KCMF1: variants seen among roughly 807,000 people sequenced by gnomAD.
KCMF1 encodes E3 ubiquitin-protein ligase KCMF1.
KCMF1 carries 3 observed loss-of-function variants against 41.1 expected under a neutral mutation model. That is an observed-to-expected ratio of 0.07 (90% CI 0.03 to 0.19). The LOEUF (loss-of-function observed/expected upper bound fraction) is 0.19, where lower values mean the gene tolerates loss of function less well. Ranked by LOEUF, KCMF1 falls within the 10% of genes least tolerant of loss-of-function variation. KCMF1 has a pLI of 1.00. For synonymous variants in KCMF1, 142 were observed against 164.5 expected, an observed-to-expected ratio of 0.86 and a Z score of 1.04; for missense variants, 286 against 488.9, an observed-to-expected ratio of 0.58 and a Z score of 3.91.
At position 85,008,263 on chromosome 2, in the gene KCMF1, CATATATA is replaced by C. The variant is rs1465922425; in HGVS notation, c.17-19614_17-19608del. 1.0e-3 allele frequency among the ~76,000 whole-genome samples: 71 copies of C among 68,802 alleles called. 1 individual carries two copies. Among genetic ancestry groups the C allele is most frequent in the African/African-American group, 3.5e-3 (62 of 17,930 alleles). The allele number at this position is 68,802 out of a possible 152,430, so 45.1% of individuals were successfully genotyped here. On this transcript the variant is annotated intron_variant, in intron 1 of 6. Transcript: ENST00000409785. ...ATTATATATGATATATATTATATAT[CATATATA>C]ATATATAATATGATATATAATATAT...
At chr2:84,976,441 A>G (rs1157163864) in intron 1 of KCMF1, among the ~76,000 whole-genome samples, 4 of 152,022 alleles carry the variant, frequency 2.6e-5, no homozygotes, top group South Asian at 2.1e-4. Context: ...CCTGACCGCA[A>G]GTGATCCACC....
chr2:84,996,501 T>A (rs1464783138), intron 1 of KCMF1, among the ~76,000 whole-genome samples: 1 of 143,996 alleles, frequency 6.9e-6, no homozygotes, highest in Non-Finnish European at 1.5e-5. Flanking sequence ...AGTGGTGCAA[T>A]CCCGGCTCAC....
intron 1 of KCMF1, among the ~76,000 whole-genome samples, chr2:84,997,005 C>G (rs1398919821): frequency 6.6e-6 from 1 of 152,094 alleles, no homozygotes; most frequent in Non-Finnish European, 1.5e-5. Context: ...GTACTGAATA[C>G]TGTAGGTAAT....
chr2:84,984,688 C>T (rs11887654), intron 1 of KCMF1, among the ~76,000 whole-genome samples: 1,878 of 152,010 alleles, frequency 0.012, 50 homozygotes, highest in African/African-American at 0.044. Flanking sequence ...GGTGTGGTGG[C>T]GCATGCCCAT....
In KCMF1 at chr2:85,004,460, C is replaced by T. The variant is rs1012220162; in HGVS notation, c.17-23429C>T. Among the ~76,000 whole-genome samples the T allele has an allele frequency of 4.6e-5, 7 of 151,394 alleles. No homozygotes were observed. The East Asian group carries it at 7.8e-4, about 17-fold the overall frequency. On this transcript the variant is annotated intron_variant, in intron 1 of 6. Coordinates refer to ENST00000409785, the MANE Select transcript of KCMF1 (RefSeq NM_020122.5). ...CCAGGAGGTGGAGTTTGCAGTGAGC[C>T]GAGATCGCGCCACTGCACTCCAGCC...
At chr2:85,046,037 C>T (rs1675658845) in intron 4 of KCMF1, 67 bp from the exon 5 acceptor site, 1 of 1,299,364 alleles carries the variant, frequency 7.7e-7, no homozygotes, top group Non-Finnish European at 1.1e-6. Context: ...ATCTGTCTAG[C>T]AAGGACTCAG....
intron 5 of KCMF1, among the ~76,000 whole-genome samples, chr2:85,048,434 T>C (rs1301134733): frequency 6.6e-6 from 1 of 152,176 alleles, no homozygotes; most frequent in Non-Finnish European, 1.5e-5. Flanking sequence ...GTATATTCCA[T>C]GAAAGAGTGG....
chr2:85,038,002 C>G (rs527898283), intron 3 of KCMF1, among the ~76,000 whole-genome samples: 2 of 152,328 alleles, frequency 1.3e-5, no homozygotes, highest in East Asian at 3.8e-4. Context: ...TATATTAATA[C>G]TATTTCAAGT....
chr2:85,017,261 C>T (rs1269684206), intron 1 of KCMF1, among the ~76,000 whole-genome samples: 9 of 151,552 alleles, frequency 5.9e-5, no homozygotes, highest in Admixed American at 5.3e-4. Flanking sequence ...CTCCTGACCT[C>T]ATGATCCACC....
chr2:85,003,463 G>A (rs1674383729), intron 1 of KCMF1, among the ~76,000 whole-genome samples: 1 of 151,678 alleles, frequency 6.6e-6, no homozygotes, highest in Non-Finnish European at 1.5e-5. Flanking sequence ...GGGCGACAGA[G>A]TGAGACTCCG....
intron 1 of KCMF1, among the ~76,000 whole-genome samples, chr2:84,974,265 A>G (rs1379131848): frequency 1.3e-5 from 2 of 152,180 alleles, no homozygotes. Context: ...GAACAAGCCT[A>G]TCATGTTGTA....
intron 3 of KCMF1, among the ~76,000 whole-genome samples, chr2:85,035,901 C>T (rs1675391260): frequency 6.6e-6 from 1 of 152,110 alleles, no homozygotes; most frequent in South Asian, 2.1e-4. Flanking sequence ...AGAATTTTGG[C>T]ACAGTAATTG....
chr2:85,032,143 C>G (rs957133544), intron 2 of KCMF1, among the ~76,000 whole-genome samples: 1 of 151,272 alleles, frequency 6.6e-6, no homozygotes, highest in Non-Finnish European at 1.5e-5. Context: ...CTTGTTTATT[C>G]ATTCCAAGAG....
intron 1 of KCMF1, among the ~76,000 whole-genome samples, chr2:85,014,379 GTAGGCAACCCTT>G (rs1026949606): frequency 2.2e-4 from 33 of 152,180 alleles, no homozygotes; most frequent in Admixed American, 2.0e-3. Context: ...ATATGCTTCA[GTAGGCAACCCTT>G]TATCTTAATC....
intron 1 of KCMF1, among the ~76,000 whole-genome samples, chr2:85,025,345 T>C (rs1675072078): frequency 6.6e-6 from 1 of 152,240 alleles, no homozygotes; most frequent in Non-Finnish European, 1.5e-5. Context: ...GCAAATGGCT[T>C]ATTTTTTTAT....
At chr2:85,017,571 A>AC (rs1343590956) in intron 1 of KCMF1, among the ~76,000 whole-genome samples, 8 of 87,394 alleles carry the variant, frequency 9.2e-5, no homozygotes, top group African/African-American at 2.2e-4. Flanking sequence ...CCTCCACCCC[A>AC]CCCCCCCAAA....
chr2:85,042,324 T>C (rs114981587), intron 3 of KCMF1, among the ~76,000 whole-genome samples: 1,547 of 152,272 alleles, frequency 0.01, 18 homozygotes, highest in African/African-American at 0.035. Flanking sequence ...TGGAAAGTTA[T>C]GTTTGTTTGG....
chr2:85,008,901 C>T (rs564854001), intron 1 of KCMF1, among the ~76,000 whole-genome samples: 1 of 151,790 alleles, frequency 6.6e-6, no homozygotes, highest in African/African-American at 2.4e-5. Context: ...AAATAGCTGG[C>T]AGTTTTTTTG....
intron 1 of KCMF1, among the ~76,000 whole-genome samples, chr2:85,007,152 A>T (rs2103997189): frequency 6.6e-6 from 1 of 151,908 alleles, no homozygotes; most frequent in East Asian, 1.9e-4. Context: ...ACATGTCCAT[A>T]TCCACTAACT....
Sources: gnomAD v4.1 joint callset for allele counts (sites outside exome capture counted in the v4.1 genomes callset) on GRCh38, gnomAD v4.1.1 for gene constraint, MANE v1.5 for transcripts, NCBI Gene and HGNC (gene_info 2026-07-23, HGNC 2026-07-21) for gene names.